The following RB1CC1 variants were observed in gnomAD, a reference collection of about 807,000 sequenced individuals.
The protein encoded by RB1CC1 is RB1-inducible coiled-coil protein 1.
RB1CC1 carries 46 observed loss-of-function variants against 177.5 expected under a neutral mutation model. That is an observed-to-expected ratio of 0.26 (90% confidence interval 0.20 to 0.33). RB1CC1 has a LOEUF of 0.33. Ranked by LOEUF, RB1CC1 falls within the 10% of genes least tolerant of loss-of-function variation. The pLI is 1.00. For missense variants in RB1CC1, 1,703 were observed against 1,816.3 expected, an observed-to-expected ratio of 0.94 and a Z score of 1.13; for synonymous variants, 666 against 613.6, an observed-to-expected ratio of 1.09 and a Z score of -1.26.
At chr8:52,625,282 A>C (rs1321229564) in intron 22 of RB1CC1, among the ~76,000 whole-genome samples, 1 of 152,138 alleles carries the variant, frequency 6.6e-6, no homozygotes, top group East Asian at 1.9e-4. Context: ...AGTGCTTGGC[A>C]CAGCAGTGTG....
intron 15 of RB1CC1, among the ~76,000 whole-genome samples, chr8:52,651,693 C>T (rs762321416): frequency 9.9e-5 from 15 of 152,168 alleles, no homozygotes; most frequent in Non-Finnish European, 1.9e-4. Flanking sequence ...TTTTCTTTCA[C>T]CACAAAGCAC....
At chr8:52,631,960 T>G (rs1848796950) in intron 20 of RB1CC1, among the ~76,000 whole-genome samples, 1 of 152,146 alleles carries the variant, frequency 6.6e-6, no homozygotes, top group Non-Finnish European at 1.5e-5. Context: ...AGAACAAACC[T>G]CTTTTCTCAT....
intron 7 of RB1CC1, among the ~76,000 whole-genome samples, chr8:52,668,724 C>T (rs931301620): frequency 6.6e-6 from 1 of 152,072 alleles, no homozygotes; most frequent in Non-Finnish European, 1.5e-5. Context: ...TAAAATTTTC[C>T]GATAATGCTC....
intron 1 of RB1CC1, among the ~76,000 whole-genome samples, chr8:52,697,071 T>C (rs1396092622): frequency 1.3e-4 from 20 of 152,038 alleles, no homozygotes; most frequent in South Asian, 2.1e-4. Flanking sequence ...CTCCAGCTAA[T>C]AGCGATTCAA....
intron 18 of RB1CC1, among the ~76,000 whole-genome samples, chr8:52,638,663 T>C (rs1269738724): frequency 1.3e-5 from 2 of 152,128 alleles, no homozygotes; most frequent in Non-Finnish European, 2.9e-5. Context: ...CCAAGTGCTC[T>C]CCTACTCTGA....
At chr8:52,672,882 G>A (rs550107530) in intron 7 of RB1CC1, among the ~76,000 whole-genome samples, 2 of 152,122 alleles carry the variant, frequency 1.3e-5, no homozygotes, top group African/African-American at 2.4e-5. Context: ...ATTCATTTTT[G>A]GCAGTGATCA....
intron 2 of RB1CC1, chr8:52,685,793 G>C (rs1373722690): frequency 5.4e-6 from 1 of 184,962 alleles, no homozygotes; most frequent in Non-Finnish European, 1.1e-5. Context: ...CCAGTAGCTA[G>C]AGTAAAGGTT....
intron 19 of RB1CC1, 76 bp from the exon 20 acceptor site, chr8:52,635,044 T>C: frequency 7.5e-7 from 1 of 1,332,460 alleles, no homozygotes; most frequent in South Asian, 1.3e-5. Context: ...TTGTCAAAGT[T>C]TTCATCAGAC....
chr8:52,639,704 T>C (rs1849417225), intron 18 of RB1CC1, among the ~76,000 whole-genome samples: 1 of 152,194 alleles, frequency 6.6e-6, no homozygotes, highest in Non-Finnish European at 1.5e-5. Flanking sequence ...CAATTGTCAT[T>C]TCAGCTTCTA....
At chr8:52,679,888 G>A (rs1419978305) in intron 5 of RB1CC1, among the ~76,000 whole-genome samples, 1 of 151,940 alleles carries the variant, frequency 6.6e-6, no homozygotes. Context: ...AGGAAAAAAC[G>A]TGAGAAAAAG....
intron 1 of RB1CC1, among the ~76,000 whole-genome samples, chr8:52,698,669 GGTTTT>G (rs1855697216): frequency 4.4e-5 from 1 of 22,770 alleles, no homozygotes; most frequent in Non-Finnish European, 9.4e-5. Flanking sequence ...TGTAATGGTT[GGTTTT>G]TTTTTTTTTT....
At chr8:52,702,981 G>A (rs1856216159) in intron 1 of RB1CC1, among the ~76,000 whole-genome samples, 2 of 152,002 alleles carry the variant, frequency 1.3e-5, no homozygotes, top group Admixed American at 1.3e-4. Flanking sequence ...TGTACTCTTG[G>A]GGTTCTAGTA....
chr8:52,652,262 C>G (rs1217353659), intron 15 of RB1CC1, among the ~76,000 whole-genome samples: 2 of 151,876 alleles, frequency 1.3e-5, no homozygotes, highest in Non-Finnish European at 2.9e-5. Flanking sequence ...GTCAGGAGAT[C>G]GAGACCATCC....
chr8:52,714,177 A>G lies in RB1CC1; in HGVS notation c.-269T>C, dbSNP rs1857308942. On this transcript the variant is annotated 5_prime_UTR_variant, in exon 1 of 24. The change abolishes an upstream ATG in the 5' untranslated region. Coordinates refer to ENST00000025008, the MANE Select transcript of RB1CC1 (RefSeq NM_014781.5). ...CCTCGGCAGCGGTTACCAACCGCCCATTCGGCACCGCTAAGCCGACACAAC... is the reference window on the plus strand; with the variant it reads ...CCTCGGCAGCGGTTACCAACCGCCCGTTCGGCACCGCTAAGCCGACACAAC... 1 of 248,348 alleles carries G rather than the reference A, an allele frequency of 4.0e-6. No individual in the cohort carries two copies. 15.4% of individuals were successfully genotyped at this position (248,348 alleles called of 1,614,324 possible). A position where few individuals can be genotyped will look rare whatever the true frequency, so the allele number is the denominator to read the frequency against.
At chr8:52,646,364 G>A (rs1370617233) in intron 15 of RB1CC1, among the ~76,000 whole-genome samples, 1 of 152,094 alleles carries the variant, frequency 6.6e-6, no homozygotes, top group East Asian at 1.9e-4. Context: ...GCTGAGGTAG[G>A]AGAACTGCTT....
intron 20 of RB1CC1, among the ~76,000 whole-genome samples, chr8:52,632,155 C>G (rs1283801737): frequency 6.6e-6 from 1 of 152,156 alleles, no homozygotes; most frequent in African/African-American, 2.4e-5. Context: ...AAGCTTCAAT[C>G]CATTTATCCA....
At position 52,683,974 on chromosome 8, in the gene RB1CC1, C is replaced by A. The variant is rs1346802523; in HGVS notation, c.111G>T (p.Lys37Asn). The part of the protein sequence containing the change: ...DLKHAIQSKY[K>N]IAIQHQVLVV... The stretch of plus-strand genomic sequence containing the variant: ...CCAGCACCTGGTGTTGAATAGCAAT[C>A]TTGTATTTGCTTTGAATGGCATGCT... Residue 37 changes from lysine (K) to asparagine (N), a missense_variant, in exon 4 of 24, where the codon AAG becomes AAT. By Grantham distance (94) the Lys-to-Asn change is moderately conservative (BLOSUM62 0). Around this residue, in one of 6 missense-constraint regions of RB1CC1, gnomAD observed 118 missense variants for 121.2 expected, o/e 0.97. Transcript: ENST00000025008. 6.2e-7 allele frequency: 1 copy of A among 1,613,984 alleles called. No individual in the cohort carries two copies.
intron 1 of RB1CC1, among the ~76,000 whole-genome samples, chr8:52,713,793 G>A (rs991972045): frequency 6.6e-6 from 1 of 152,234 alleles, no homozygotes; most frequent in Non-Finnish European, 1.5e-5. Flanking sequence ...GCCGCAGGCA[G>A]CCCCGCAGCA....
At chr8:52,697,877 G>T (rs1294392805) in intron 1 of RB1CC1, among the ~76,000 whole-genome samples, 1 of 152,060 alleles carries the variant, frequency 6.6e-6, no homozygotes, top group Non-Finnish European at 1.5e-5. Context: ...GTAAGCAAAG[G>T]TTTTATAAAA....
Sources: allele counts gnomAD v4.1 joint callset (sites outside exome capture counted in the v4.1 genomes callset), GRCh38; gene constraint gnomAD v4.1.1; regional missense constraint gnomAD v4.1.1; transcripts MANE v1.5; gene names NCBI Gene and HGNC (gene_info 2026-07-23, HGNC 2026-07-21).